The following RAB27A variants were observed in gnomAD, a reference collection of about 807,000 sequenced individuals.
The protein encoded by RAB27A is RAB27A, member RAS oncogene family.
A neutral mutation model predicts 20.8 loss-of-function variants in RAB27A; 17 were observed. That is an observed-to-expected ratio of 0.82 (90% CI 0.56 to 1.23). The LOEUF is 1.23. Among genes scored for constraint, RAB27A ranks in the 50% most tolerant of loss-of-function variants. The pLI is 0.00. For synonymous variants in RAB27A, 85 were observed against 92.8 expected (o/e 0.92, Z 0.48); for missense variants, 277 against 266.7 (o/e 1.04, Z -0.27).
chr15:55,316,198 G>A, intron 1 of RAB27A, among the ~76,000 whole-genome samples: 1 of 148,568 alleles, frequency 6.7e-6, no homozygotes, highest in Non-Finnish European at 1.5e-5. Flanking sequence ...TTGCGCCACT[G>A]CGCTCCAGCC....
In RAB27A at chr15:55,295,337, A is replaced by C. The variant is rs1024706684; in HGVS notation, c.-112+18702T>G. ...GTTAAACAGATGACCTAGCAAGCCT[A>C]TTCCTAGAACTATGCCTAAAAGAAC... is the stretch of plus-strand genomic sequence containing the variant. On this transcript the variant is annotated intron_variant, in intron 2 of 5. Coordinates refer to the RAB27A transcript ENST00000563262. Among the ~76,000 whole-genome samples the C allele has an allele frequency of 1.3e-5, 2 of 152,234 alleles. 1 individual carries two copies. Among genetic ancestry groups the C allele is most frequent in the Non-Finnish European group, 2.9e-5 (2 of 68,038 alleles).
chr15:55,219,133 G>T (rs1895449081), intron 6 of RAB27A, among the ~76,000 whole-genome samples: 1 of 152,176 alleles, frequency 6.6e-6, no homozygotes, highest in Non-Finnish European at 1.5e-5. Flanking sequence ...TGTGAATAAA[G>T]TATGGACAGA....
intron 6 of RAB27A, among the ~76,000 whole-genome samples, chr15:55,220,711 A>G (rs16953228): frequency 0.013 from 1,941 of 152,356 alleles, 36 homozygotes; most frequent in African/African-American, 0.044. Context: ...ACATGGATAA[A>G]CTAAACAATA....
intron 2 of RAB27A, among the ~76,000 whole-genome samples, chr15:55,298,848 A>G (rs2054960195): frequency 6.6e-6 from 1 of 152,206 alleles, no homozygotes; most frequent in African/African-American, 2.4e-5. Flanking sequence ...TATTTCTCCC[A>G]TTTGCTTTTG....
At chr15:55,241,440 A>T (rs1202767905) in intron 2 of RAB27A, among the ~76,000 whole-genome samples, 2 of 151,744 alleles carry the variant, frequency 1.3e-5, no homozygotes, top group Non-Finnish European at 2.9e-5. Flanking sequence ...AACATGTACT[A>T]TGTGGTGTTA....
intron 2 of RAB27A, among the ~76,000 whole-genome samples, chr15:55,268,537 C>A (rs1209761372): frequency 1.3e-5 from 2 of 152,122 alleles, no homozygotes; most frequent in Non-Finnish European, 2.9e-5. Flanking sequence ...GTGTCAGGAC[C>A]CTGATTGTGC....
intron 2 of RAB27A, among the ~76,000 whole-genome samples, chr15:55,269,189 T>C (rs1334864623): frequency 6.6e-6 from 1 of 152,238 alleles, no homozygotes; most frequent in Non-Finnish European, 1.5e-5. Flanking sequence ...ACCCAGTTTA[T>C]GGTACTTTGT....
At chr15:55,301,298 CCATTAAAATGT>C (rs937725420) in intron 2 of RAB27A, among the ~76,000 whole-genome samples, 23 of 152,028 alleles carry the variant, frequency 1.5e-4, no homozygotes, top group Non-Finnish European at 2.6e-4. Context: ...AACATATTGG[CCATTAAAATGT>C]CATTTAAAAT....
intron 2 of RAB27A, among the ~76,000 whole-genome samples, chr15:55,265,095 A>C (rs1033116741): frequency 2.6e-5 from 4 of 152,126 alleles, no homozygotes; most frequent in African/African-American, 4.8e-5. Flanking sequence ...ATACAAAATT[A>C]GCCGGGCGTG....
chr15:55,251,280 T>C (rs187530457), intron 2 of RAB27A, among the ~76,000 whole-genome samples: 2 of 152,246 alleles, frequency 1.3e-5, no homozygotes, highest in East Asian at 3.9e-4. Context: ...TATTTAAAGC[T>C]TAAGAGAATG....
chr15:55,303,787 T>G (rs1263061553), intron 2 of RAB27A, among the ~76,000 whole-genome samples: 5 of 89,622 alleles, frequency 5.6e-5, no homozygotes, highest in African/African-American at 9.7e-5. Flanking sequence ...GGGAGGGAGG[T>G]GGGGGGGTCA....
At chr15:55,216,242 C>T (rs1895297384) in intron 6 of RAB27A, among the ~76,000 whole-genome samples, 1 of 152,050 alleles carries the variant, frequency 6.6e-6, no homozygotes, top group Non-Finnish European at 1.5e-5. Context: ...TTATTTAAAA[C>T]TCAGAACACA....
At chr15:55,313,098 T>C (rs750974046) in intron 2 of RAB27A, among the ~76,000 whole-genome samples, 15 of 152,172 alleles carry the variant, frequency 9.9e-5, no homozygotes, top group Non-Finnish European at 1.8e-4. Flanking sequence ...AAATTAAAAT[T>C]TTTATAACTA....
chr15:55,216,699 G>C (rs1381504784), intron 6 of RAB27A, among the ~76,000 whole-genome samples: 1 of 152,142 alleles, frequency 6.6e-6, no homozygotes, highest in Non-Finnish European at 1.5e-5. Context: ...CCACAATGTA[G>C]CTGATCTATA....
intron 6 of RAB27A, chr15:55,206,275 G>T: frequency 2.7e-6 from 2 of 729,480 alleles, no homozygotes; most frequent in Non-Finnish European, 3.4e-6. Context: ...CTGATTTACT[G>T]TAAAAAATTT....
intron 6 of RAB27A, among the ~76,000 whole-genome samples, chr15:55,209,364 C>T: frequency 6.6e-6 from 1 of 152,184 alleles, no homozygotes; most frequent in South Asian, 2.1e-4. Context: ...ACCTTTGTAG[C>T]TCCCACATAT....
At chr15:55,213,978 A>G (rs1161561648) in intron 6 of RAB27A, among the ~76,000 whole-genome samples, 1 of 152,204 alleles carries the variant, frequency 6.6e-6, no homozygotes, top group Non-Finnish European at 1.5e-5. Context: ...CAGTGCCAAA[A>G]AGGTTGGGGA....
rs958789866 is a variant in RAB27A at position 55,209,786 on chromosome 15, A to G, written c.468-4081T>C. ...TGTACATATACATATATACACACATATGTGTGTATGTATACATATATACAC... is the reference window on the plus strand; with the variant it reads ...TGTACATATACATATATACACACATGTGTGTGTATGTATACATATATACAC... On this transcript the variant is annotated intron_variant, in intron 6 of 6. Coordinates refer to ENST00000336787, the MANE Select transcript of RAB27A (RefSeq NM_183235.3). Among the ~76,000 whole-genome samples the G allele has an allele frequency of 2.6e-4, 23 of 86,812 alleles. 3 individuals carry two copies. The highest frequency in any genetic ancestry group is 1.1e-3 in the African/African-American group (13 of 11,434). 57.0% of individuals were successfully genotyped at this position (86,812 alleles called of 152,430 possible). A position where few individuals can be genotyped will look rare whatever the true frequency, so the allele number is the denominator to read the frequency against.
chr15:55,315,127 C>A (rs144662511), intron 1 of RAB27A, among the ~76,000 whole-genome samples: 6,605 of 152,246 alleles, frequency 0.043, 227 homozygotes, highest in Middle Eastern at 0.058. Context: ...ACCATCTGAT[C>A]TTTGACAAAC....
Sources: allele counts gnomAD v4.1 joint callset (sites outside exome capture counted in the v4.1 genomes callset), GRCh38; gene constraint gnomAD v4.1.1; transcripts MANE v1.5; gene names NCBI Gene and HGNC (gene_info 2026-07-23, HGNC 2026-07-21).